OSBPL8: variants seen among roughly 807,000 people sequenced by gnomAD.
OSBPL8 encodes oxysterol binding protein like 8.
In OSBPL8, 59 loss-of-function variants were observed where a neutral mutation model predicts 125.5. The observed-to-expected ratio is 0.47, with a 90% confidence interval of 0.38 to 0.58. OSBPL8 has a LOEUF of 0.58. OSBPL8 is among the 20% of genes least tolerant of loss of function. The pLI is 0.00. For missense variants in OSBPL8, 758 were observed against 1,047.8 expected (o/e 0.72, Z 3.82); for synonymous variants, 330 against 338.9 (o/e 0.97, Z 0.29).
intron 4 of OSBPL8, among the ~76,000 whole-genome samples, chr12:76,426,022 T>C (rs1424569730): frequency 6.6e-6 from 1 of 152,148 alleles, no homozygotes; most frequent in Middle Eastern, 3.2e-3. Flanking sequence ...TACTGTTAAA[T>C]AAGCAGGAGG....
Position 76,352,140 on chromosome 12 carries a change from T to C in OSBPL8, c.*3749A>G, listed in dbSNP as rs1346255318. ...TTAGCATGCTAAAAAGTGAAAAAAA[T>C]TTCAACTGAAGTTCTGTGGCTCATC... On this transcript the variant is annotated 3_prime_UTR_variant, in exon 24 of 24. Transcript: ENST00000261183. The C allele has an allele frequency of 1.3e-5, 2 of 152,568 alleles. No individual in the cohort carries two copies. The highest frequency in any genetic ancestry group is 4.8e-5 in the African/African-American group (2 of 41,442). 9.5% of individuals were successfully genotyped at this position (152,568 alleles called of 1,614,324 possible). A position where few individuals can be genotyped will look rare whatever the true frequency, so the allele number is the denominator to read the frequency against.
intron 1 of OSBPL8, among the ~76,000 whole-genome samples, chr12:76,513,852 A>G (rs934756607): frequency 3.3e-5 from 5 of 150,710 alleles, no homozygotes; most frequent in African/African-American, 1.2e-4. Flanking sequence ...TCTTTTGAAG[A>G]CAGCATAGCA....
chr12:76,434,922 A>C (rs760942744), intron 4 of OSBPL8, among the ~76,000 whole-genome samples: 1 of 152,334 alleles, frequency 6.6e-6, no homozygotes, highest in East Asian at 1.9e-4. Context: ...AAATTGGTAC[A>C]TCTATTATGG....
At chr12:76,546,606 A>G (rs1388779610) in intron 1 of OSBPL8, among the ~76,000 whole-genome samples, 2 of 152,084 alleles carry the variant, frequency 1.3e-5, no homozygotes, top group African/African-American at 4.8e-5. Flanking sequence ...AGGGATAGCA[A>G]AAAAAAGTAT....
intron 1 of OSBPL8, among the ~76,000 whole-genome samples, chr12:76,524,548 T>C (rs1270060922): frequency 6.6e-6 from 1 of 152,070 alleles, no homozygotes. Context: ...GCTTTTGTTT[T>C]AAAAACAAAG....
chr12:76,396,352 CTTTTAG>C (rs1953803710), intron 8 of OSBPL8, among the ~76,000 whole-genome samples: 1 of 152,278 alleles, frequency 6.6e-6, no homozygotes, highest in South Asian at 2.1e-4. Context: ...GATTAAGCTA[CTTTTAG>C]TTAACCGTAA....
intron 2 of OSBPL8, among the ~76,000 whole-genome samples, chr12:76,471,392 T>A (rs946122304): frequency 6.6e-6 from 1 of 152,194 alleles, no homozygotes; most frequent in African/African-American, 2.4e-5. Context: ...CACAGAAACC[T>A]GTAAGTCGCT....
At chr12:76,375,006 T>A (rs1434596227) in intron 17 of OSBPL8, among the ~76,000 whole-genome samples, 1 of 152,210 alleles carries the variant, frequency 6.6e-6, no homozygotes, top group Non-Finnish European at 1.5e-5. Context: ...TCTCATCTTC[T>A]ATATAATACC....
chr12:76,558,568 A>G (rs768010585), intron 1 of OSBPL8, among the ~76,000 whole-genome samples: 3 of 152,240 alleles, frequency 2.0e-5, no homozygotes, highest in Non-Finnish European at 2.9e-5. Flanking sequence ...ATATATACTT[A>G]CATTATCAGT....
intron 2 of OSBPL8, among the ~76,000 whole-genome samples, chr12:76,475,040 A>C (rs1028477755): frequency 1.4e-4 from 21 of 152,216 alleles, no homozygotes; most frequent in African/African-American, 5.1e-4. Flanking sequence ...TGGACTTTTA[A>C]CCAAATTTTA....
chr12:76,375,944 T>C (rs1334034215), intron 16 of OSBPL8, among the ~76,000 whole-genome samples: 2 of 152,176 alleles, frequency 1.3e-5, no homozygotes, highest in Non-Finnish European at 2.9e-5. Context: ...TTTAGTTCTG[T>C]TGGCTGTTAG....
chr12:76,386,353 C>A, intron 13 of OSBPL8, 87 bp from the exon 14 acceptor site: 1 of 1,460,516 alleles, frequency 6.8e-7, no homozygotes, highest in Non-Finnish European at 9.1e-7. Context: ...TTTAACTCTA[C>A]CATCTGGGAA....
intron 1 of OSBPL8, among the ~76,000 whole-genome samples, chr12:76,526,634 TC>T (rs1297650017): frequency 4.5e-5 from 5 of 110,792 alleles, no homozygotes; most frequent in Non-Finnish European, 7.2e-5. Flanking sequence ...TCAGTAAATC[TC>T]TTTTTTTTTT....
chr12:76,520,032 C>T (rs1482841854), intron 1 of OSBPL8, among the ~76,000 whole-genome samples: 1 of 152,174 alleles, frequency 6.6e-6, no homozygotes, highest in Non-Finnish European at 1.5e-5. Context: ...TCCCCTCTCA[C>T]CTACCTCCCA....
At chr12:76,524,870 G>T (rs1171951730) in intron 1 of OSBPL8, among the ~76,000 whole-genome samples, 2 of 152,074 alleles carry the variant, frequency 1.3e-5, no homozygotes, top group Admixed American at 6.5e-5. Context: ...TTTTAGTAGA[G>T]ACGGGGTATC....
At chr12:76,462,977 T>C (rs1345764712) in intron 2 of OSBPL8, among the ~76,000 whole-genome samples, 1 of 152,118 alleles carries the variant, frequency 6.6e-6, no homozygotes, top group Non-Finnish European at 1.5e-5. Flanking sequence ...GTATAGGACT[T>C]TGTAGGGTCT....
At chr12:76,436,669 T>C (rs572431751) in intron 4 of OSBPL8, among the ~76,000 whole-genome samples, 17 of 152,322 alleles carry the variant, frequency 1.1e-4, no homozygotes, top group Non-Finnish European at 2.1e-4. Flanking sequence ...CATGGTAGTA[T>C]ACTCATTTTT....
At chr12:76,359,105 A>G (rs1451858299) in intron 21 of OSBPL8, among the ~76,000 whole-genome samples, 1 of 152,220 alleles carries the variant, frequency 6.6e-6, no homozygotes, top group Non-Finnish European at 1.5e-5. Context: ...ATCCAGGGAT[A>G]TTATTATGTA....
intron 2 of OSBPL8, among the ~76,000 whole-genome samples, chr12:76,485,724 C>G (rs916210518): frequency 6.6e-6 from 1 of 152,126 alleles, no homozygotes; most frequent in Non-Finnish European, 1.5e-5. Flanking sequence ...TCAGTTCTAT[C>G]GCTTAAGCTG....
Sources: allele counts gnomAD v4.1 joint callset (sites outside exome capture counted in the v4.1 genomes callset), GRCh38; gene constraint gnomAD v4.1.1; transcripts MANE v1.5; gene names NCBI Gene and HGNC (gene_info 2026-07-23, HGNC 2026-07-21).